PLPP4: variants seen among roughly 807,000 people sequenced by gnomAD.
PLPP4 encodes the protein phospholipid phosphatase 4, also known as diacylglycerol pyrophosphate like 2.
In PLPP4, 20 loss-of-function variants were observed where a neutral mutation model predicts 32.2. The observed-to-expected ratio is 0.62, with a 90% CI of 0.44 to 0.90. The LOEUF (loss-of-function observed/expected upper bound fraction) is 0.90, where lower values mean the gene tolerates loss of function less well. Among genes scored for constraint, PLPP4 ranks in the 40% least tolerant of loss-of-function variants. The pLI, the probability that PLPP4 is intolerant of heterozygous loss-of-function variation, is 0.00. For synonymous variants in PLPP4, 127 were observed against 133.0 expected (o/e 0.95, Z 0.31); for missense variants, 257 against 353.1 (o/e 0.73, Z 2.18).
chr10:120,471,804 G>A (rs1400802719), intron 1 of PLPP4, among the ~76,000 whole-genome samples: 1 of 151,730 alleles, frequency 6.6e-6, no homozygotes, highest in African/African-American at 2.4e-5. Context: ...TGTGTTCTTT[G>A]TCTCTCTTTT....
At chr10:120,469,507 A>G (rs1239275602) in intron 1 of PLPP4, among the ~76,000 whole-genome samples, 1 of 152,152 alleles carries the variant, frequency 6.6e-6, no homozygotes, top group Non-Finnish European at 1.5e-5. Context: ...GATTACAGGC[A>G]TGACACACCG....
chr10:120,572,828 T>G (rs969481937), intron 5 of PLPP4, among the ~76,000 whole-genome samples: 1 of 152,198 alleles, frequency 6.6e-6, no homozygotes, highest in Non-Finnish European at 1.5e-5. Flanking sequence ...TCGTTGTGCT[T>G]GCTACGTTGG....
At chr10:120,507,352 CATCATCATT>C (rs113222332) in intron 2 of PLPP4, among the ~76,000 whole-genome samples, 50,741 of 130,784 alleles carry the variant, frequency 0.39, 9,230 homozygotes, top group South Asian at 0.52. Context: ...TCTTCATCAT[CATCATCATT>C]ATCATCATCA....
At position 120,489,948 on chromosome 10, in the gene PLPP4, C is replaced by T. The variant is rs117051889; in HGVS notation, c.57-13870C>T. Among the ~76,000 whole-genome samples the T allele has an allele frequency of 7.7e-3, 1,172 of 152,272 alleles. 9 individuals carry two copies. The highest frequency in any genetic ancestry group is 0.01 in the Non-Finnish European group (685 of 68,028). On this transcript the variant is annotated intron_variant, in intron 1 of 6. Coordinates refer to ENST00000398250, the MANE Select transcript of PLPP4 (RefSeq NM_001030059.3). ...CACCTACTGCATGCCAGGCACTATT[C>T]TAAGTGCTGGGGATACAGCTCAGAC...
intron 5 of PLPP4, among the ~76,000 whole-genome samples, chr10:120,528,282 G>A (rs1400398962): frequency 1.3e-5 from 2 of 152,020 alleles, no homozygotes; most frequent in Non-Finnish European, 2.9e-5. Context: ...CACCGTGTTA[G>A]CCAGGATGGT....
chr10:120,575,010 C>T, intron 5 of PLPP4, 121 bp from the exon 6 acceptor site: 1 of 965,578 alleles, frequency 1.0e-6, no homozygotes, highest in Non-Finnish European at 1.6e-6. Flanking sequence ...TAGATAGTGC[C>T]TGGTGCCAAC....
chr10:120,466,885 T>G (rs1306559176), intron 1 of PLPP4, among the ~76,000 whole-genome samples: 1 of 152,096 alleles, frequency 6.6e-6, no homozygotes, highest in African/African-American at 2.4e-5. Context: ...ACCTCCCTCC[T>G]TCCTAGAACT....
At chr10:120,463,460 A>T (rs1162589947) in intron 1 of PLPP4, among the ~76,000 whole-genome samples, 2 of 152,206 alleles carry the variant, frequency 1.3e-5, no homozygotes. Flanking sequence ...TCTGAACCTC[A>T]GTTTCTTCAT....
At chr10:120,501,173 TTCATGAGCAA>T (rs149369962) in intron 1 of PLPP4, among the ~76,000 whole-genome samples, 5,736 of 152,306 alleles carry the variant, frequency 0.038, 163 homozygotes, top group South Asian at 0.1. Flanking sequence ...GATCCACAAA[TTCATGAGCAA>T]AATAAAATGT....
chr10:120,558,729 CT>C (rs1848280300), intron 5 of PLPP4, among the ~76,000 whole-genome samples: 1 of 152,106 alleles, frequency 6.6e-6, no homozygotes, highest in African/African-American at 2.4e-5. Context: ...AGTTTATTCA[CT>C]TTCATTTTTA....
intron 5 of PLPP4, among the ~76,000 whole-genome samples, chr10:120,542,411 A>G (rs1589849170): frequency 6.6e-6 from 1 of 152,374 alleles, no homozygotes; most frequent in East Asian, 1.9e-4. Context: ...AATTTATGGA[A>G]GCAATTGTTA....
At chr10:120,527,577 A>T (rs540209711) in intron 5 of PLPP4, among the ~76,000 whole-genome samples, 1 of 152,226 alleles carries the variant, frequency 6.6e-6, no homozygotes, top group Admixed American at 6.5e-5. Flanking sequence ...CCAAGTTGAC[A>T]CATAAGGTTA....
chr10:120,497,814 G>A (rs1257592763), intron 1 of PLPP4, among the ~76,000 whole-genome samples: 1 of 152,118 alleles, frequency 6.6e-6, no homozygotes, highest in African/African-American at 2.4e-5. Flanking sequence ...GCTGAGGCAG[G>A]CAGATCACGA....
chr10:120,498,729 C>T (rs1589769378), intron 1 of PLPP4, among the ~76,000 whole-genome samples: 2 of 151,082 alleles, frequency 1.3e-5, no homozygotes, highest in East Asian at 3.9e-4. Context: ...GGTATGATCT[C>T]AGCTCACTGC....
chr10:120,514,324 GT>G (rs1845852845), intron 3 of PLPP4, among the ~76,000 whole-genome samples: 1 of 152,136 alleles, frequency 6.6e-6, no homozygotes, highest in Non-Finnish European at 1.5e-5. Flanking sequence ...CTAAAACTTT[GT>G]TGCCTCTGAC....
intron 1 of PLPP4, among the ~76,000 whole-genome samples, chr10:120,496,605 G>T (rs1209064857): frequency 6.6e-6 from 1 of 152,188 alleles, no homozygotes; most frequent in African/African-American, 2.4e-5. Context: ...TCCACGATCT[G>T]TTGTGACCCA....
chr10:120,582,444 C>T (rs1305658992), intron 6 of PLPP4, among the ~76,000 whole-genome samples: 1 of 152,090 alleles, frequency 6.6e-6, no homozygotes, highest in Non-Finnish European at 1.5e-5. Flanking sequence ...TATAAGGACA[C>T]CAGTCATATT....
chr10:120,550,509 G>A (rs1433422221), intron 5 of PLPP4, among the ~76,000 whole-genome samples: 1 of 151,876 alleles, frequency 6.6e-6, no homozygotes, highest in Non-Finnish European at 1.5e-5. Context: ...TTGAAGTACT[G>A]ACAGTACCCA....
chr10:120,536,637 A>G (rs1399962643), intron 5 of PLPP4, among the ~76,000 whole-genome samples: 1 of 132,242 alleles, frequency 7.6e-6, no homozygotes, highest in Non-Finnish European at 1.6e-5. Context: ...CTTCTTGGCA[A>G]TGGTTTTTTA....
Sources: allele counts gnomAD v4.1 joint callset (sites outside exome capture counted in the v4.1 genomes callset), GRCh38; gene constraint gnomAD v4.1.1; transcripts MANE v1.5; gene names NCBI Gene and HGNC (gene_info 2026-07-23, HGNC 2026-07-21).